EMSY: variants seen among roughly 807,000 people sequenced by gnomAD.
EMSY encodes EMSY transcriptional repressor, BRCA2 interacting.
In EMSY, 26 loss-of-function variants were observed where a neutral mutation model predicts 134.6. The ratio of observed to expected loss-of-function variants is 0.19; its 90% CI spans 0.14 to 0.27. EMSY has a LOEUF of 0.27. Ranked by LOEUF, EMSY falls within the 10% of genes least tolerant of loss-of-function variation. The pLI, the probability that EMSY is intolerant of heterozygous loss-of-function variation, is 1.00. For missense variants in EMSY, 1,305 were observed against 1,611.4 expected, an observed-to-expected ratio of 0.81 and a Z score of 3.26; for synonymous variants, 579 against 577.8, an observed-to-expected ratio of 1.00 and a Z score of -0.03.
chr11:76,454,667 A>C (rs1055044750), intron 4 of EMSY, 82 bp from the exon 5 acceptor site: 2 of 883,184 alleles, frequency 2.3e-6, no homozygotes, highest in African/African-American at 3.4e-5. Flanking sequence ...TTGTGGGGCA[A>C]CTAGTTGTAA....
chr11:76,446,474 A>G (rs1947415510), intron 1 of EMSY, among the ~76,000 whole-genome samples: 2 of 152,148 alleles, frequency 1.3e-5, no homozygotes, highest in South Asian at 4.1e-4. Context: ...CATGTAATTC[A>G]TAAATGAGGA....
At chr11:76,544,164 G>T (rs1951552714) in intron 18 of EMSY, 95 bp from the exon 20 acceptor site, 3 of 1,280,892 alleles carry the variant, frequency 2.3e-6, no homozygotes, top group South Asian at 1.6e-5. Context: ...GAAAATTTTT[G>T]AGTGAATCTC....
intron 8 of EMSY, among the ~76,000 whole-genome samples, chr11:76,493,681 C>T (rs1949514691): frequency 6.6e-6 from 1 of 152,224 alleles, no homozygotes. Context: ...GTTCAGGAGA[C>T]CTTCTTGTAG....
chr11:76,503,600 C>T (rs1228629419), intron 9 of EMSY, among the ~76,000 whole-genome samples: 8 of 151,994 alleles, frequency 5.3e-5, no homozygotes, highest in African/African-American at 1.9e-4. Context: ...ACACCGTATA[C>T]AAAATTAACT....
chr11:76,466,317 G>T (rs1276918706), intron 7 of EMSY, among the ~76,000 whole-genome samples: 2 of 152,106 alleles, frequency 1.3e-5, no homozygotes. Flanking sequence ...TCTTTCTGGG[G>T]CTCACAAATG....
intron 8 of EMSY, among the ~76,000 whole-genome samples, chr11:76,480,711 G>C (rs575787075): frequency 6.6e-6 from 1 of 152,306 alleles, no homozygotes; most frequent in African/African-American, 2.4e-5. Flanking sequence ...TTCCAACTGA[G>C]GTACCTGGCT....
At chr11:76,494,152 G>T (rs1215740921) in intron 8 of EMSY, among the ~76,000 whole-genome samples, 1 of 152,264 alleles carries the variant, frequency 6.6e-6, no homozygotes, top group East Asian at 1.9e-4. Flanking sequence ...GCTGGCATCT[G>T]TGCCTGGCTC....
chr11:76,506,788 T>C (rs553708159), intron 9 of EMSY, among the ~76,000 whole-genome samples: 7 of 152,168 alleles, frequency 4.6e-5, no homozygotes, highest in Non-Finnish European at 8.8e-5. Context: ...AAAATCCCGA[T>C]AAGATGAAAA....
chr11:76,496,307 C>T (rs756104983), exon 9 of EMSY: 2 of 1,614,078 alleles, frequency 1.2e-6, no homozygotes, highest in Admixed American at 3.3e-5. Flanking sequence ...TGCACAGTTC[C>T]CTAAACAACA....
chr11:76,478,685 T>C (rs1948859969), intron 8 of EMSY, among the ~76,000 whole-genome samples: 1 of 152,002 alleles, frequency 6.6e-6, no homozygotes. Flanking sequence ...GTTCATATTC[T>C]ATTTGGTAGC....
intron 14 of EMSY, among the ~76,000 whole-genome samples, chr11:76,530,608 A>G (rs1222577041): frequency 6.6e-6 from 1 of 152,222 alleles, no homozygotes. Flanking sequence ...TTCATTGTAT[A>G]TTACTTTTTA....
rs1041397638 is a variant in EMSY at position 76,547,123 on chromosome 11, T to G, written c.3774+826T>G. The G allele has an allele frequency of 6.7e-6, 3 of 449,548 alleles. No homozygotes were observed. The Admixed American group carries it at 7.3e-5, about 11-fold the overall frequency. 27.8% of individuals were successfully genotyped at this position (449,548 alleles called of 1,614,324 possible). On this transcript the variant is annotated intron_variant, in intron 20 of 20. Coordinates refer to ENST00000334736, the Ensembl canonical transcript of EMSY. Reference sequence around the variant, plus strand: ...AAGGTATCAGGTTGTTTTCTTGACATTTGTCATTCTTTGCTAAACAGATAT... The same window carrying G: ...AAGGTATCAGGTTGTTTTCTTGACAGTTGTCATTCTTTGCTAAACAGATAT...
At chr11:76,516,156 T>G (rs1237783042) in exon 11 of EMSY, 64 of 1,613,576 alleles carry the variant, frequency 4.0e-5, no homozygotes, top group Non-Finnish European at 5.4e-5. Context: ...ACAAGCAACC[T>G]ATACCCGGCC....
At position 76,511,787 on chromosome 11, in the gene EMSY, TAAG is replaced by T. The variant is rs1950287064; in HGVS notation, c.1364-1597_1364-1595del. Among the ~76,000 whole-genome samples, 3 of 152,280 alleles carry T rather than the reference TAAG, an allele frequency of 2.0e-5. No homozygotes were observed. In the South Asian group the frequency reaches 6.2e-4, roughly 32 times the overall value. On this transcript the variant is annotated intron_variant, in intron 9 of 20. Coordinates refer to ENST00000334736, the Ensembl canonical transcript of EMSY. ...TATTCCCCCCACAAACCTCAGTGCT[TAAG>T]ATTTATTATAATCAGAATCTTAAAA...
intron 8 of EMSY, among the ~76,000 whole-genome samples, chr11:76,480,587 G>C (rs2135486429): frequency 6.6e-6 from 1 of 152,316 alleles, no homozygotes; most frequent in African/African-American, 2.4e-5. Context: ...GACCAGTGAA[G>C]AGTTAATATA....
At chr11:76,446,167 C>G (rs1386575877) in intron 1 of EMSY, among the ~76,000 whole-genome samples, 1 of 151,974 alleles carries the variant, frequency 6.6e-6, no homozygotes, top group Non-Finnish European at 1.5e-5. Context: ...GCGCGTGCCC[C>G]CAGAGCCGTG....
At chr11:76,516,510 T>G in intron 11 of EMSY, 198 bp downstream of exon 12, 1 of 365,638 alleles carries the variant, frequency 2.7e-6, no homozygotes, top group Non-Finnish European at 4.8e-6. Context: ...CTTTTGATAG[T>G]TTTAAAATGG....
chr11:76,467,592 C>T (rs1165541812), intron 7 of EMSY, among the ~76,000 whole-genome samples: 1 of 152,150 alleles, frequency 6.6e-6, no homozygotes, highest in African/African-American at 2.4e-5. Context: ...GTAGTAAGTG[C>T]TAATTAATAT....
intron 8 of EMSY, among the ~76,000 whole-genome samples, chr11:76,488,553 T>A (rs1318403943): frequency 6.6e-6 from 1 of 152,084 alleles, no homozygotes; most frequent in Non-Finnish European, 1.5e-5. Context: ...TTTTATTTTT[T>A]AGCTGGATCT....
Sources: gnomAD v4.1 joint callset for allele counts (sites outside exome capture counted in the v4.1 genomes callset) on GRCh38, gnomAD v4.1.1 for gene constraint, MANE v1.5 for transcripts, NCBI Gene and HGNC (gene_info 2026-07-23, HGNC 2026-07-21) for gene names.